FAM53A: variants seen among roughly 807,000 people sequenced by gnomAD.
FAM53A encodes protein FAM53A.
Under a neutral mutation model 26.6 loss-of-function variants are expected in FAM53A, and 28 were observed. The observed-to-expected ratio is 1.05, with a 90% CI of 0.78 to 1.45. FAM53A has a LOEUF of 1.45. Among genes scored for constraint, FAM53A ranks in the 40% most tolerant of loss-of-function variants. FAM53A has a pLI of 0.00. For synonymous variants in FAM53A, 290 were observed against 253.1 expected, an observed-to-expected ratio of 1.15 and a Z score of -1.38; for missense variants, 650 against 575.8, an observed-to-expected ratio of 1.13 and a Z score of -1.32.
At chr4:1,676,537 C>T (rs1304171953) in intron 1 of FAM53A, among the ~76,000 whole-genome samples, 1 of 152,302 alleles carries the variant, frequency 6.6e-6, no homozygotes, top group East Asian at 1.9e-4. Flanking sequence ...CGGCGACACA[C>T]ACAGGGTGCT....
downstream of FAM53A, among the ~76,000 whole-genome samples, chr4:1,637,254 C>T (rs1715885643): frequency 6.6e-6 from 1 of 152,172 alleles, no homozygotes; most frequent in Non-Finnish European, 1.5e-5. Context: ...GTTAGACAAG[C>T]ACGGGGCCTG....
At position 1,640,535 on chromosome 4, in the gene FAM53A, T is replaced by C. The variant is rs1711583847; in HGVS notation, c.*758A>G. On this transcript the variant is annotated 3_prime_UTR_variant, in exon 5 of 5. Coordinates refer to ENST00000308132, the MANE Select transcript of FAM53A (RefSeq NM_001174070.3). ...AAAATAGAGAAGCTTTCTCCCGAAC[T>C]GCAAAAGCCATAAAAATGCAAAATG... 1 of 318,938 alleles carries C rather than the reference T, an allele frequency of 3.1e-6. No individual in the cohort carries two copies. Among genetic ancestry groups the C allele is most frequent in the South Asian group, 2.5e-5 (1 of 39,700 alleles). The allele number at this position is 318,938 out of a possible 1,614,324, so 19.8% of individuals were successfully genotyped here. A position where few individuals can be genotyped will look rare whatever the true frequency, so the allele number is the denominator to read the frequency against.
rs552223498 is a variant in FAM53A, at chr4:1,658,190, A to G, written c.76-722T>C. Among the ~76,000 whole-genome samples, 3 of 146,870 alleles carry G rather than the reference A, an allele frequency of 2.0e-5. No homozygotes were observed. The East Asian group carries it at 6.2e-4, about 31-fold the overall frequency. ...CACGCCCAGCTAATTTTGTTTTTTTAAATATATTTTTCGTAGAGACAGGGT... is the reference window on the plus strand; with the variant it reads ...CACGCCCAGCTAATTTTGTTTTTTTGAATATATTTTTCGTAGAGACAGGGT... On this transcript the variant is annotated intron_variant, in intron 2 of 4. Transcript: ENST00000308132.
chr4:1,624,794 C>T (rs1173091579), intron 1 of FAM53A, among the ~76,000 whole-genome samples: 2 of 152,236 alleles, frequency 1.3e-5, no homozygotes, highest in Non-Finnish European at 2.9e-5. Flanking sequence ...ACTCCAGACT[C>T]CCCCAGAGGC....
the FAM53A span, among the ~76,000 whole-genome samples, chr4:1,610,861 C>A: frequency 6.6e-6 from 1 of 152,300 alleles, no homozygotes; most frequent in Admixed American, 6.5e-5. Flanking sequence ...GCCCCCAACC[C>A]GGGCCCCGGC....
chr4:1,654,927 C>T (rs1713179702), intron 4 of FAM53A, 51 bp downstream of exon 4: 8 of 1,482,844 alleles, frequency 5.4e-6, no homozygotes, highest in Non-Finnish European at 7.2e-6. Flanking sequence ...CCCAGCACCG[C>T]CCTGTCCAGA....
rs1158606419 is a variant in FAM53A at position 1,630,706 on chromosome 4, C to T, written c.432-12595G>A. ...AGCATGATCCCACGTCTACGAAATG[C>T]CCAGCTCCACAGAGACAACAAGCGG... On this transcript the variant is annotated intron_variant, in intron 1 of 1. Coordinates refer to the FAM53A transcript ENST00000489029. The surrounding 1 kb of genome is among the most constrained non-coding windows in gnomAD (Gnocchi z 4.3). 2.0e-5 allele frequency among the ~76,000 whole-genome samples: 3 copies of T among 152,122 alleles called. No individual in the cohort carries two copies. Among genetic ancestry groups the T allele is most frequent in the Non-Finnish European group, 4.4e-5 (3 of 68,020 alleles).
intron 1 of FAM53A, among the ~76,000 whole-genome samples, chr4:1,683,106 G>A (rs1339878185): frequency 1.3e-5 from 2 of 152,236 alleles, no homozygotes; most frequent in African/African-American, 2.4e-5. Flanking sequence ...GGCGCCGGAC[G>A]AGGGAAAACT....
At chr4:1,591,489 T>C in the FAM53A span, among the ~76,000 whole-genome samples, 1 of 152,134 alleles carries the variant, frequency 6.6e-6, no homozygotes, top group Non-Finnish European at 1.5e-5. Flanking sequence ...GTGTTGGCCA[T>C]GGCATGGTAA....
In FAM53A at chr4:1,655,281, G is replaced by C. The variant is rs951200710; in HGVS notation, c.579C>G (p.Gly193=). 8.4e-6 allele frequency: 12 copies of C among 1,424,850 alleles called. No individual in the cohort carries two copies. The highest frequency in any genetic ancestry group is 1.1e-5 in the Non-Finnish European group (12 of 1,095,630). The allele number at this position is 1,424,850 out of a possible 1,614,324, so 88.3% of individuals were successfully genotyped here. ...CACTGCCCTCGCTGCTGTCCACGAAGCCGCCGCTGGCGGAGGACGGCCGGG... is the reference window on the plus strand; with the variant it reads ...CACTGCCCTCGCTGCTGTCCACGAACCCGCCGCTGGCGGAGGACGGCCGGG... ...ATPRPSSASG[G]FVDSSEGSAG... is the part of the protein sequence containing the mutation. The change falls in exon 4 of 5, where the codon GGC becomes GGG. Residue 193 remains glycine, a synonymous_variant. Transcript: ENST00000308132.
At chr4:1,608,203 C>T in the FAM53A span, among the ~76,000 whole-genome samples, 1 of 152,096 alleles carries the variant, frequency 6.6e-6, no homozygotes, top group South Asian at 2.1e-4. Flanking sequence ...CTATGGCCCC[C>T]CTGGTCTCCT....
chr4:1,613,479 G>A (rs1714700608), downstream of FAM53A, among the ~76,000 whole-genome samples: 1 of 152,194 alleles, frequency 6.6e-6, no homozygotes, highest in African/African-American at 2.4e-5. Context: ...GCTAATGTTT[G>A]AACATGAATG....
rs776019870 is a variant in FAM53A at position 1,654,992 on chromosome 4, G to C, written c.868C>G (p.Leu290Val). The change falls in exon 4 of 5, where the codon CTG (leucine) becomes GTG (valine). Residue 290 changes from leucine (L) to valine (V), a missense_variant. Transcript: ENST00000308132. ...ARWTRPSLDF[L>V]KMTQTLKNSK... ...GAAAGCCTCACCTGGGTCATTTTCA[G>C]GAAGTCCAAGGATGGGCGTGTCCAC... The C allele has an allele frequency of 2.6e-6, 4 of 1,521,950 alleles. No individual in the cohort carries two copies. In the African/African-American group the frequency reaches 4.3e-5, roughly 16 times the overall value. 94.3% of individuals were successfully genotyped at this position (1,521,950 alleles called of 1,614,324 possible).
At chr4:1,595,797 C>T in the FAM53A span, among the ~76,000 whole-genome samples, 6 of 152,232 alleles carry the variant, frequency 3.9e-5, no homozygotes, top group Admixed American at 3.3e-4. Context: ...GTTGAGAGGC[C>T]TCAGGTAGGC....
intron 1 of FAM53A, among the ~76,000 whole-genome samples, chr4:1,627,944 T>C (rs913072050): frequency 6.7e-6 from 1 of 149,526 alleles, no homozygotes; most frequent in Non-Finnish European, 1.5e-5. Context: ...ACCTTCAGGG[T>C]CCTCCTGTCA....
rs141044683 is a variant in FAM53A, at chr4:1,641,527, C to T, written c.963G>A (p.Leu321=). 1.9e-5 allele frequency: 31 copies of T among 1,614,214 alleles called. No individual in the cohort carries two copies. The East Asian group carries it at 6.7e-4, about 35-fold the overall frequency. ...DEDDTPVKTV[L]SSPCDSRGLP... is the part of the protein sequence containing the mutation. The stretch of plus-strand genomic sequence containing the variant: ...GGCCCCGGGAGTCACATGGGGAGGA[C>T]AGAACCGTCTTCACTGGGGTGTCAT... The change falls in exon 5 of 5, where the codon CTG becomes CTA. Residue 321 remains leucine, a synonymous_variant. Transcript: ENST00000308132.
the FAM53A span, among the ~76,000 whole-genome samples, chr4:1,588,729 G>C: frequency 6.6e-6 from 1 of 152,138 alleles, no homozygotes; most frequent in Non-Finnish European, 1.5e-5. Flanking sequence ...ACCCAACTTA[G>C]CTGCTCCCAA....
At chr4:1,672,836 C>A (rs1714780156) in intron 1 of FAM53A, among the ~76,000 whole-genome samples, 1 of 130,626 alleles carries the variant, frequency 7.7e-6, no homozygotes, top group South Asian at 2.6e-4. Context: ...GTGGTGTGAT[C>A]TCGGCTCACT....
At position 1,632,954 on chromosome 4, in the gene FAM53A, G is replaced by A. The variant is rs984658438; in HGVS notation, c.432-14843C>T. ...AGGCACATATGCACACACGTGCACA[G>A]ACATACATGCATGTGCACAGGGCGC... On this transcript the variant is annotated intron_variant, in intron 1 of 1. Coordinates refer to the FAM53A transcript ENST00000489029. Among the ~76,000 whole-genome samples the A allele has an allele frequency of 3.0e-4, 45 of 152,202 alleles. 1 individual carries two copies. Among genetic ancestry groups the A allele is most frequent in the African/African-American group, 1.1e-3 (45 of 41,426 alleles).
Sources: allele counts gnomAD v4.1 joint callset (sites outside exome capture counted in the v4.1 genomes callset), GRCh38; gene constraint gnomAD v4.1.1; non-coding constraint Gnocchi (gnomAD v3.1); transcripts MANE v1.5; gene names NCBI Gene and HGNC (gene_info 2026-07-23, HGNC 2026-07-21).